Variants in ACSS3 observed in about 807,000 individuals in gnomAD.
ACSS3 encodes the protein acyl-CoA synthetase short chain family member 3.
In ACSS3, 64 loss-of-function variants were observed where a neutral mutation model predicts 84.2. That is an observed-to-expected ratio of 0.76 (90% CI 0.62 to 0.94). The LOEUF (loss-of-function observed/expected upper bound fraction) is 0.94, where lower values mean the gene tolerates loss of function less well. Among genes scored for constraint, ACSS3 ranks in the 40% least tolerant of loss-of-function variants. The pLI is 0.00. For synonymous variants in ACSS3, 317 were observed against 310.1 expected (o/e 1.02, Z -0.23); for missense variants, 815 against 867.6 (o/e 0.94, Z 0.76).
At chr12:81,222,529 CA>C (rs1175270919) in intron 11 of ACSS3, among the ~76,000 whole-genome samples, 2 of 152,114 alleles carry the variant, frequency 1.3e-5, no homozygotes, top group African/African-American at 4.8e-5. Flanking sequence ...TGGCTGCCTG[CA>C]GTATGTGTAG....
At chr12:81,187,622 AAATCAGACAAGTAAAT>A (rs2031341012) in intron 8 of ACSS3, among the ~76,000 whole-genome samples, 1 of 151,932 alleles carries the variant, frequency 6.6e-6, no homozygotes. Flanking sequence ...AACAGTTGTC[AAATCAGACAAGTAAAT>A]AATATAAACC....
chr12:81,162,922 C>A (rs1023642936), intron 7 of ACSS3, among the ~76,000 whole-genome samples: 1 of 152,094 alleles, frequency 6.6e-6, no homozygotes, highest in African/African-American at 2.4e-5. Context: ...GAGCAGGCAC[C>A]AGGAGCAGGG....
At chr12:81,084,940 C>T (rs1349047603) in intron 1 of ACSS3, among the ~76,000 whole-genome samples, 2 of 152,162 alleles carry the variant, frequency 1.3e-5, no homozygotes, top group Admixed American at 6.5e-5. Context: ...AAAAACATTC[C>T]ATGAGGATAT....
intron 13 of ACSS3, among the ~76,000 whole-genome samples, chr12:81,242,927 C>G (rs2135995403): frequency 6.6e-6 from 1 of 152,236 alleles, no homozygotes; most frequent in South Asian, 2.1e-4. Flanking sequence ...AAACTGGAAG[C>G]ATTCCCTTTG....
intron 12 of ACSS3, 34 bp downstream of exon 12, chr12:81,231,172 T>C (rs754639618): frequency 1.9e-5 from 28 of 1,495,864 alleles, no homozygotes; most frequent in Non-Finnish European, 2.4e-5. Context: ...TATCTTCTTA[T>C]GTACTTTTCT....
intron 7 of ACSS3, 77 bp from the exon 8 acceptor site, chr12:81,174,711 T>G: frequency 1.4e-6 from 2 of 1,417,292 alleles, no homozygotes; most frequent in Non-Finnish European, 1.9e-6. Flanking sequence ...ATTGTTGTGT[T>G]AAATGTATAA....
intron 5 of ACSS3, among the ~76,000 whole-genome samples, chr12:81,149,128 A>G (rs1886490809): frequency 1.3e-5 from 2 of 151,730 alleles, no homozygotes; most frequent in African/African-American, 2.4e-5. Flanking sequence ...AATAATAGAG[A>G]TTCGAAAGAC....
At chr12:81,115,077 G>A (rs1883925504) in intron 2 of ACSS3, among the ~76,000 whole-genome samples, 1 of 152,144 alleles carries the variant, frequency 6.6e-6, no homozygotes, top group Non-Finnish European at 1.5e-5. Context: ...AGAGGTTGTA[G>A]TTTGGTTATT....
Position 81,108,271 on chromosome 12 carries a change from ATTATT to A in ACSS3, c.312-1288_312-1284del, listed in dbSNP as rs1336335705. ...GCTATTATTATTATTATTAATTATT[ATTATT>A]ATTATTATTATTGTTATTTTGAGAC... On this transcript the variant is annotated intron_variant, in intron 1 of 15. Coordinates refer to ENST00000548058, the MANE Select transcript of ACSS3 (RefSeq NM_024560.4). Among the ~76,000 whole-genome samples the A allele has an allele frequency of 1.1e-4, 15 of 141,426 alleles. 1 individual carries two copies. Among genetic ancestry groups the A allele is most frequent in the African/African-American group, 3.7e-4 (14 of 37,410 alleles). 92.8% of individuals were successfully genotyped at this position (141,426 alleles called of 152,430 possible).
At chr12:81,193,288 T>G (rs2031671807) in intron 8 of ACSS3, among the ~76,000 whole-genome samples, 6 of 152,118 alleles carry the variant, frequency 3.9e-5, no homozygotes. Flanking sequence ...AAGAGTAATT[T>G]TTGCTTGTTT....
chr12:81,102,045 GCACACA>G (rs68004924), intron 1 of ACSS3, among the ~76,000 whole-genome samples: 21 of 149,116 alleles, frequency 1.4e-4, no homozygotes, highest in East Asian at 5.9e-4. Context: ...TTATGCACAC[GCACACA>G]CACACACACA....
rs187582172 is a variant in ACSS3 at position 81,200,261 on chromosome 12, G to A, written c.1354+817G>A. 4.1e-3 allele frequency among the ~76,000 whole-genome samples: 622 copies of A among 152,176 alleles called. 4 individuals are homozygous for A. Among genetic ancestry groups the A allele is most frequent in the African/African-American group, 0.014 (587 of 41,534 alleles). ...AAAGTACAGAGATTTTAAAAAATTT[G>A]ACTCACTGAAAGCAGCTATGAGCCA... On this transcript the variant is annotated intron_variant, in intron 9 of 15. Transcript: ENST00000548058.
intron 7 of ACSS3, among the ~76,000 whole-genome samples, chr12:81,161,364 A>G (rs1887138355): frequency 6.6e-6 from 1 of 152,200 alleles, no homozygotes; most frequent in Non-Finnish European, 1.5e-5. Context: ...CTTTAAGTGT[A>G]GGACTTGTGA....
At chr12:81,156,177 T>A (rs1214486422) in intron 7 of ACSS3, among the ~76,000 whole-genome samples, 1 of 144,212 alleles carries the variant, frequency 6.9e-6, no homozygotes, top group Non-Finnish European at 1.5e-5. Flanking sequence ...ATAGGAAATA[T>A]CCAGGAAAAC....
intron 8 of ACSS3, among the ~76,000 whole-genome samples, chr12:81,181,385 T>A (rs2030912523): frequency 6.6e-6 from 1 of 151,974 alleles, no homozygotes. Context: ...TGTCGTCAGG[T>A]GAAAGTTTTT....
Position 81,203,575 on chromosome 12 carries a change from A to G in ACSS3, c.1354+4131A>G, listed in dbSNP as rs2032206183. Among the ~76,000 whole-genome samples the G allele has an allele frequency of 2.0e-5, 3 of 152,156 alleles. No homozygotes were observed. In the South Asian group the frequency reaches 6.2e-4, roughly 32 times the overall value. ...ATAATATCTAATAATCTAAACTGAG[A>G]CCTAATCTGTAGAAAATACAAGAAC... On this transcript the variant is annotated intron_variant, in intron 9 of 15. Transcript: ENST00000548058.
intron 8 of ACSS3, among the ~76,000 whole-genome samples, chr12:81,183,551 T>A (rs2031074099): frequency 6.6e-6 from 1 of 152,068 alleles, no homozygotes; most frequent in South Asian, 2.1e-4. Flanking sequence ...TTCACTGAAG[T>A]GACCCACTTA....
chr12:81,211,041 A>AC (rs2032570231), intron 9 of ACSS3, among the ~76,000 whole-genome samples: 1 of 151,982 alleles, frequency 6.6e-6, no homozygotes, highest in South Asian at 2.1e-4. Context: ...CAGTGGTGCT[A>AC]TCAGGCTATT....
chr12:81,156,227 A>ACACT (rs1464546070), intron 7 of ACSS3, among the ~76,000 whole-genome samples: 1 of 151,726 alleles, frequency 6.6e-6, no homozygotes, highest in Non-Finnish European at 1.5e-5. Context: ...ACACACACAC[A>ACACT]CACGTCTCTG....
Sources: allele counts gnomAD v4.1 joint callset (sites outside exome capture counted in the v4.1 genomes callset), GRCh38; gene constraint gnomAD v4.1.1; transcripts MANE v1.5; gene names NCBI Gene and HGNC (gene_info 2026-07-23, HGNC 2026-07-21).